The following PLD5 variants were observed in gnomAD, a reference collection of about 807,000 sequenced individuals.
PLD5 encodes phospholipase D family member 5.
PLD5 carries 36 observed loss-of-function variants against 61.1 expected under a neutral mutation model. That is an observed-to-expected ratio of 0.59 (90% CI 0.45 to 0.78). The LOEUF (loss-of-function observed/expected upper bound fraction) is 0.78. PLD5 is among the 30% of genes least tolerant of loss of function. The pLI, the probability that PLD5 is intolerant of heterozygous loss-of-function variation, is 0.00. For missense variants in PLD5, 515 were observed against 644.4 expected (o/e 0.80, Z 2.17); for synonymous variants, 243 against 242.8 (o/e 1.00, Z -0.01).
chr1:242,518,082 A>T (rs1669163168), intron 1 of PLD5, among the ~76,000 whole-genome samples: 1 of 152,208 alleles, frequency 6.6e-6, no homozygotes. Context: ...CAGTCCCATG[A>T]TGCCCAGGCA....
At chr1:242,142,767 T>A (rs1046556744) in intron 5 of PLD5, among the ~76,000 whole-genome samples, 5 of 152,110 alleles carry the variant, frequency 3.3e-5, no homozygotes, top group African/African-American at 1.2e-4. Flanking sequence ...TCTGTCTCTC[T>A]GTCTGACAGA....
At chr1:242,441,696 C>T (rs987216958) in intron 1 of PLD5, among the ~76,000 whole-genome samples, 7 of 152,108 alleles carry the variant, frequency 4.6e-5, no homozygotes, top group African/African-American at 1.7e-4. Context: ...CAGACAGACA[C>T]CCCTCTTCCC....
chr1:242,138,727 A>C lies in PLD5; in HGVS notation c.736-14062T>G, dbSNP rs190356015. Among the ~76,000 whole-genome samples the C allele has an allele frequency of 2.8e-3, 427 of 152,340 alleles. 2 individuals carry two copies. In the Middle Eastern group the frequency reaches 0.044, roughly 16 times the overall value. ...CTGCTCACGTGGGGCTACATCCCAT[A>C]TCCTCCAACAATTACTCCATTGCTG... On this transcript the variant is annotated intron_variant, in intron 5 of 9. Coordinates refer to ENST00000536534, the MANE Select transcript of PLD5 (RefSeq NM_001372062.1).
rs112348337 is a variant in PLD5, at chr1:242,186,575, G to T, written c.735+33413C>A. Among the ~76,000 whole-genome samples, 1,249 of 152,196 alleles carry T rather than the reference G, an allele frequency of 8.2e-3. 23 individuals carry two copies. The highest frequency in any genetic ancestry group is 0.029 in the African/African-American group (1,197 of 41,512). On this transcript the variant is annotated intron_variant, in intron 5 of 9. Coordinates refer to ENST00000536534, the MANE Select transcript of PLD5 (RefSeq NM_001372062.1). Reference sequence around the variant, plus strand: ...AAAATGTTGAGAAATGAGAAACTATGCAGTTAAAACAAAGAGCAAAAGAGA... The same window carrying T: ...AAAATGTTGAGAAATGAGAAACTATTCAGTTAAAACAAAGAGCAAAAGAGA...
intron 5 of PLD5, among the ~76,000 whole-genome samples, chr1:242,173,179 T>G (rs1666874614): frequency 6.6e-6 from 1 of 152,158 alleles, no homozygotes; most frequent in African/African-American, 2.4e-5. Flanking sequence ...CAAAATCTCC[T>G]TAAGCTGATA....
intron 3 of PLD5, among the ~76,000 whole-genome samples, chr1:242,271,416 A>G (rs1674075091): frequency 6.6e-6 from 1 of 152,186 alleles, no homozygotes; most frequent in South Asian, 2.1e-4. Context: ...CTGAAGGTGA[A>G]GGCAAATTTG....
chr1:242,346,906 A>C (rs186024891), intron 2 of PLD5, among the ~76,000 whole-genome samples: 13 of 152,274 alleles, frequency 8.5e-5, no homozygotes, highest in Non-Finnish European at 5.9e-5. Flanking sequence ...AACATGCAGT[A>C]TTTGGTTTTC....
chr1:242,526,275 A>G (rs769817117), upstream of PLD5, among the ~76,000 whole-genome samples: 40 of 152,122 alleles, frequency 2.6e-4, no homozygotes, highest in Non-Finnish European at 5.3e-4. Flanking sequence ...GGTTTCAGCT[A>G]CCTGGGAGGC....
At position 242,256,969 on chromosome 1, in the gene PLD5, T is replaced by C. The variant is rs1379743117; in HGVS notation, c.607+8368A>G. 2.0e-5 allele frequency among the ~76,000 whole-genome samples: 3 copies of C among 151,674 alleles called. No individual in the cohort carries two copies. The highest frequency in any genetic ancestry group is 1.9e-4 in the East Asian group (1 of 5,166). ...ACCTACTGTCTTCTATCTATATCTATCTACCTACCTACCTACCTTCTTTCT... is the reference window on the plus strand; with the variant it reads ...ACCTACTGTCTTCTATCTATATCTACCTACCTACCTACCTACCTTCTTTCT... On this transcript the variant is annotated intron_variant, in intron 4 of 9. Coordinates refer to ENST00000536534, the MANE Select transcript of PLD5 (RefSeq NM_001372062.1). This position sits in a 1 kb window ranked among gnomAD's most constrained non-coding sequence, Gnocchi z 5.7.
At chr1:242,204,717 G>A (rs1217950558) in intron 5 of PLD5, among the ~76,000 whole-genome samples, 2 of 152,152 alleles carry the variant, frequency 1.3e-5, no homozygotes, top group African/African-American at 4.8e-5. Flanking sequence ...ATTGCAGGGG[G>A]TCGGTATTAT....
At chr1:242,447,307 T>G (rs1666584416) in intron 1 of PLD5, among the ~76,000 whole-genome samples, 1 of 152,210 alleles carries the variant, frequency 6.6e-6, no homozygotes. Context: ...CTGACTCTAA[T>G]GAGGTCAAGG....
intron 1 of PLD5, among the ~76,000 whole-genome samples, chr1:242,499,564 TCTTA>T (rs1668485323): frequency 6.6e-6 from 1 of 152,216 alleles, no homozygotes; most frequent in Admixed American, 6.5e-5. Flanking sequence ...GATCTCCCTT[TCTTA>T]CTTCGCATTT....
At chr1:242,145,287 C>T (rs1292842689) in intron 5 of PLD5, among the ~76,000 whole-genome samples, 1 of 152,162 alleles carries the variant, frequency 6.6e-6, no homozygotes, top group Non-Finnish European at 1.5e-5. Flanking sequence ...GCTGTCACTT[C>T]AAGAGTAGAC....
intron 5 of PLD5, among the ~76,000 whole-genome samples, chr1:242,201,834 T>A (rs1247425125): frequency 1.3e-5 from 2 of 152,196 alleles, no homozygotes; most frequent in African/African-American, 4.8e-5. Context: ...TCTCCACCAT[T>A]TTGAAGACAA....
chr1:242,130,886 CT>C (rs146028214), intron 5 of PLD5, among the ~76,000 whole-genome samples: 2 of 151,482 alleles, frequency 1.3e-5, no homozygotes, highest in Non-Finnish European at 2.9e-5. Context: ...AGATCGATTT[CT>C]TTTTTTTTAC....
chr1:242,525,296 C>A (rs2103016754), upstream of PLD5, among the ~76,000 whole-genome samples: 1 of 151,500 alleles, frequency 6.6e-6, no homozygotes, highest in Middle Eastern at 3.4e-3. Context: ...CCTCGGTGTC[C>A]ACCTAGAACC....
intron 6 of PLD5, among the ~76,000 whole-genome samples, chr1:242,117,530 C>T (rs573069732): frequency 3.3e-5 from 5 of 152,016 alleles, no homozygotes; most frequent in South Asian, 2.1e-4. Flanking sequence ...TATAGGTGCC[C>T]GCCACTACAC....
chr1:242,204,669 C>T (rs1293000091), intron 5 of PLD5, among the ~76,000 whole-genome samples: 1 of 152,200 alleles, frequency 6.6e-6, no homozygotes, highest in East Asian at 1.9e-4. Context: ...AGTGATGGCA[C>T]TAGGTCTGTT....
intron 5 of PLD5, chr1:242,178,330 C>G (rs151295096): frequency 6.6e-6 from 1 of 152,142 alleles, no homozygotes; most frequent in African/African-American, 2.4e-5. Flanking sequence ...CCACTTCTGC[C>G]GGCAGAATAG....
Sources: gnomAD v4.1 joint callset for allele counts (sites outside exome capture counted in the v4.1 genomes callset) on GRCh38, gnomAD v4.1.1 for gene constraint, Gnocchi (gnomAD v3.1) non-coding constraint, MANE v1.5 for transcripts, NCBI Gene and HGNC (gene_info 2026-07-23, HGNC 2026-07-21) for gene names.